The following EFNA5 variants were observed in gnomAD, a reference collection of about 807,000 sequenced individuals.
EFNA5 encodes the protein ephrin-A5.
Under a neutral mutation model 22.9 loss-of-function variants are expected in EFNA5, and 5 were observed. The observed-to-expected ratio is 0.22, with a 90% CI of 0.11 to 0.46. The LOEUF (loss-of-function observed/expected upper bound fraction) is 0.46. Among genes scored for constraint, EFNA5 ranks in the 20% least tolerant of loss-of-function variants. The pLI, the probability that EFNA5 is intolerant of heterozygous loss-of-function variation, is 0.99. For missense variants in EFNA5, 237 were observed against 293.3 expected (o/e 0.81, Z 1.40); for synonymous variants, 113 against 112.2 (o/e 1.01, Z -0.04).
intron 1 of EFNA5, among the ~76,000 whole-genome samples, chr5:107,483,977 A>G (rs997032214): frequency 1.3e-5 from 2 of 152,212 alleles, no homozygotes; most frequent in Admixed American, 6.5e-5. Context: ...TATACACTGG[A>G]ATCCACATTA....
intron 1 of EFNA5, among the ~76,000 whole-genome samples, chr5:107,661,812 T>C (rs143646541): frequency 8.5e-5 from 13 of 152,128 alleles, no homozygotes; most frequent in Non-Finnish European, 1.5e-4. Flanking sequence ...ATATAAAACA[T>C]CAAGTATCAT....
At chr5:107,437,181 G>C (rs1348959271) in intron 1 of EFNA5, among the ~76,000 whole-genome samples, 1 of 152,134 alleles carries the variant, frequency 6.6e-6, no homozygotes, top group Non-Finnish European at 1.5e-5. Flanking sequence ...TTGGAAGAAA[G>C]AAAATACATG....
At chr5:107,645,674 G>GT (rs1750621447) in intron 1 of EFNA5, among the ~76,000 whole-genome samples, 1 of 152,202 alleles carries the variant, frequency 6.6e-6, no homozygotes, top group East Asian at 1.9e-4. Context: ...TATACTTAAA[G>GT]TCATGAATTC....
At chr5:107,491,405 G>A (rs1182972586) in intron 1 of EFNA5, among the ~76,000 whole-genome samples, 3 of 152,094 alleles carry the variant, frequency 2.0e-5, no homozygotes, top group Admixed American at 1.3e-4. Flanking sequence ...TCTGCCTCCC[G>A]GGTTCAAGTG....
chr5:107,442,779 C>CT (rs927394713), intron 1 of EFNA5, among the ~76,000 whole-genome samples: 9 of 149,178 alleles, frequency 6.0e-5, no homozygotes, highest in African/African-American at 1.2e-4. Flanking sequence ...ACTCAGAAGA[C>CT]TTTTTTTTTT....
At chr5:107,582,376 G>C (rs770358961) in intron 1 of EFNA5, among the ~76,000 whole-genome samples, 1 of 152,130 alleles carries the variant, frequency 6.6e-6, no homozygotes, top group African/African-American at 2.4e-5. Context: ...ATGATGCTTT[G>C]TTCACTTTAG....
intron 2 of EFNA5, among the ~76,000 whole-genome samples, chr5:107,420,247 A>G (rs1360247816): frequency 1.3e-5 from 2 of 152,172 alleles, no homozygotes. Flanking sequence ...TAAAATATCA[A>G]TCTGGGATAT....
intron 1 of EFNA5, among the ~76,000 whole-genome samples, chr5:107,593,539 C>G (rs1749418320): frequency 6.6e-6 from 1 of 152,190 alleles, no homozygotes; most frequent in African/African-American, 2.4e-5. Context: ...GGGCTCCACG[C>G]TGGCTGCACA....
chr5:107,496,336 C>CAAAAAAAAAAAAAAAACAAAAA, intron 1 of EFNA5, among the ~76,000 whole-genome samples: 1 of 79,816 alleles, frequency 1.3e-5, no homozygotes, highest in Non-Finnish European at 2.3e-5. Flanking sequence ...AATTCCATCT[C>CAAAAAAAAAAAAAAAACAAAAA]AAAAAAAAAA....
At chr5:107,411,206 T>C (rs1263657532) in intron 2 of EFNA5, among the ~76,000 whole-genome samples, 1 of 152,200 alleles carries the variant, frequency 6.6e-6, no homozygotes, top group Non-Finnish European at 1.5e-5. Flanking sequence ...AATCTTCTCT[T>C]TGTTTTGAAC....
chr5:107,435,707 A>G (rs1286516270), intron 1 of EFNA5, among the ~76,000 whole-genome samples: 2 of 152,246 alleles, frequency 1.3e-5, no homozygotes, highest in East Asian at 3.8e-4. Flanking sequence ...AAAGTATTCA[A>G]GGATAAATTT....
At chr5:107,420,522 T>TAAAAAAAAA (rs368304882) in intron 2 of EFNA5, among the ~76,000 whole-genome samples, 3 of 109,058 alleles carry the variant, frequency 2.8e-5, no homozygotes, top group East Asian at 2.5e-4. Context: ...TCTGTGCTTT[T>TAAAAAAAAA]AAAAAAAAAA....
At chr5:107,522,576 A>G (rs1747620167) in intron 1 of EFNA5, among the ~76,000 whole-genome samples, 1 of 152,098 alleles carries the variant, frequency 6.6e-6, no homozygotes, top group African/African-American at 2.4e-5. Context: ...TTTTAAAAAT[A>G]AATTATTTAT....
intron 1 of EFNA5, among the ~76,000 whole-genome samples, chr5:107,585,751 C>T (rs1466017909): frequency 1.3e-5 from 2 of 152,122 alleles, no homozygotes; most frequent in Non-Finnish European, 2.9e-5. Flanking sequence ...ATTCTCTTTC[C>T]ATGAGAGAAG....
chr5:107,554,751 T>C (rs1748371713), intron 1 of EFNA5, among the ~76,000 whole-genome samples: 1 of 152,204 alleles, frequency 6.6e-6, no homozygotes, highest in South Asian at 2.1e-4. Flanking sequence ...CCCTATGGAT[T>C]AGGCACTATT....
chr5:107,405,467 C>T (rs1337700740), intron 2 of EFNA5, among the ~76,000 whole-genome samples: 1 of 152,188 alleles, frequency 6.6e-6, no homozygotes, highest in Non-Finnish European at 1.5e-5. Flanking sequence ...CAATAAGGTA[C>T]ACCAAAGGTG....
chr5:107,398,997 T>C (rs1748007275), intron 2 of EFNA5, among the ~76,000 whole-genome samples: 1 of 152,090 alleles, frequency 6.6e-6, no homozygotes, highest in Non-Finnish European at 1.5e-5. Context: ...AAAAGGTCCT[T>C]GTCCGAGAAC....
chr5:107,670,029 TTA>T (rs1561465681), intron 1 of EFNA5, among the ~76,000 whole-genome samples: 1 of 42,620 alleles, frequency 2.3e-5, no homozygotes, highest in Non-Finnish European at 4.1e-5. Context: ...AAAATTAAAA[TTA>T]AAAAAAAAAA....
At chr5:107,545,268 C>T (rs1046939102) in intron 1 of EFNA5, among the ~76,000 whole-genome samples, 5 of 152,246 alleles carry the variant, frequency 3.3e-5, no homozygotes, top group African/African-American at 1.2e-4. Flanking sequence ...CCAGATGTTT[C>T]CAGAGCTATG....
Sources: gnomAD v4.1 joint callset for allele counts (sites outside exome capture counted in the v4.1 genomes callset) on GRCh38, gnomAD v4.1.1 for gene constraint, MANE v1.5 for transcripts, NCBI Gene and HGNC (gene_info 2026-07-23, HGNC 2026-07-21) for gene names.